The following FAT3 variants were observed in gnomAD, a reference collection of about 807,000 sequenced individuals.
FAT3 encodes the protein protocadherin Fat 3.
FAT3 carries 95 observed loss-of-function variants against 310.2 expected under a neutral mutation model. The observed-to-expected ratio is 0.31, with a 90% CI of 0.26 to 0.36. The LOEUF is 0.36. Ranked by LOEUF, FAT3 falls within the 10% of genes least tolerant of loss-of-function variation. The pLI is 1.00. For synonymous variants in FAT3, 2,314 were observed against 2,192.9 expected (o/e 1.06, Z -1.54); for missense variants, 5,408 against 5,715.6 (o/e 0.95, Z 1.74).
At chr11:92,294,138 C>A (rs1219220700) in intron 1 of FAT3, among the ~76,000 whole-genome samples, 1 of 152,024 alleles carries the variant, frequency 6.6e-6, no homozygotes, top group African/African-American at 2.4e-5. Flanking sequence ...GGGCTCTCTT[C>A]CTGGCCTGTA....
chr11:92,365,933 T>C (rs1384333602), intron 2 of FAT3, among the ~76,000 whole-genome samples: 1 of 152,216 alleles, frequency 6.6e-6, no homozygotes, highest in Non-Finnish European at 1.5e-5. Flanking sequence ...TACACTATAC[T>C]TCTATAAAAG....
chr11:92,730,161 C>T (rs1945134794), intron 4 of FAT3, among the ~76,000 whole-genome samples: 1 of 151,964 alleles, frequency 6.6e-6, no homozygotes. Flanking sequence ...CATACTGAGA[C>T]CCCCATCTCT....
At position 92,873,617 on chromosome 11, in the gene FAT3, A is replaced by G. The variant is rs377584064; in HGVS notation, c.12127+6408A>G. Among the ~76,000 whole-genome samples the G allele has an allele frequency of 2.6e-5, 4 of 152,336 alleles. No homozygotes were observed. In the East Asian group the frequency reaches 5.8e-4, roughly 22 times the overall value. Reference sequence around the variant, plus strand: ...TGCCTACACAGCCCAAATTAATGCTATAATTGCTTATACCATTTCCATTTT... The same window carrying G: ...TGCCTACACAGCCCAAATTAATGCTGTAATTGCTTATACCATTTCCATTTT... On this transcript the variant is annotated intron_variant, in intron 22 of 27. Coordinates refer to ENST00000525166, the MANE Select transcript of FAT3 (RefSeq NM_001367949.2).
intron 9 of FAT3, among the ~76,000 whole-genome samples, chr11:92,794,738 T>A (rs1019736249): frequency 3.3e-5 from 5 of 151,956 alleles, no homozygotes; most frequent in Admixed American, 3.3e-4. Flanking sequence ...ACAATTGATA[T>A]CGCAAAAAAA....
intron 2 of FAT3, among the ~76,000 whole-genome samples, chr11:92,484,128 C>A (rs1209608177): frequency 6.6e-6 from 1 of 152,160 alleles, no homozygotes; most frequent in African/African-American, 2.4e-5. Flanking sequence ...ATCCTTTGTC[C>A]AAAGGTATGT....
At chr11:92,269,028 A>C (rs1946044778) in intron 1 of FAT3, among the ~76,000 whole-genome samples, 2 of 152,182 alleles carry the variant, frequency 1.3e-5, no homozygotes, top group African/African-American at 4.8e-5. Flanking sequence ...ATGCAGAATC[A>C]GCTCCTTTTC....
At chr11:92,705,666 A>T in intron 4 of FAT3, among the ~76,000 whole-genome samples, 1 of 37,556 alleles carries the variant, frequency 2.7e-5, no homozygotes, top group Non-Finnish European at 4.8e-5. Context: ...TGGTGGTGTG[A>T]TGGTGTAGTG....
chr11:92,857,988 A>G (rs1565655304), intron 20 of FAT3, among the ~76,000 whole-genome samples: 4 of 152,182 alleles, frequency 2.6e-5, no homozygotes, highest in Admixed American at 2.6e-4. Flanking sequence ...CCACTTCTTT[A>G]CTCAGAAAAG....
chr11:92,806,517 T>C lies in FAT3; in HGVS notation c.9247+2T>C. 1 of 1,539,146 alleles carries C rather than the reference T, an allele frequency of 6.5e-7. No homozygotes were observed. Among genetic ancestry groups the C allele is most frequent in the Non-Finnish European group, 8.8e-7 (1 of 1,140,380 alleles). ...AATTTTTTCTAGATCCAGAAAGTGG[T>C]AAGCTAAAATTTATTATTGAGATAA... On this transcript the variant is annotated splice_donor_variant, in intron 12 of 27. Transcript: ENST00000525166. LOFTEE classifies it high-confidence loss of function.
intron 9 of FAT3, among the ~76,000 whole-genome samples, chr11:92,794,377 A>G (rs1184125966): frequency 6.6e-6 from 1 of 152,098 alleles, no homozygotes; most frequent in Admixed American, 6.6e-5. Context: ...ATTCATGCAT[A>G]TACATTGTTT....
intron 1 of FAT3, among the ~76,000 whole-genome samples, chr11:92,307,631 A>C (rs1390262297): frequency 6.6e-6 from 1 of 152,160 alleles, no homozygotes; most frequent in African/African-American, 2.4e-5. Flanking sequence ...CTCTCAGATA[A>C]GCTCACAGCC....
chr11:92,768,299 G>A (rs923962216), intron 6 of FAT3, among the ~76,000 whole-genome samples: 17 of 152,116 alleles, frequency 1.1e-4, no homozygotes, highest in Non-Finnish European at 4.4e-5. Flanking sequence ...AACTTACTGG[G>A]CCAGATGCCC....
chr11:92,461,207 G>A (rs993223216), intron 2 of FAT3, among the ~76,000 whole-genome samples: 1 of 152,104 alleles, frequency 6.6e-6, no homozygotes, highest in Non-Finnish European at 1.5e-5. Flanking sequence ...CCTGTTGAGG[G>A]TCCCTTTGCA....
intron 2 of FAT3, among the ~76,000 whole-genome samples, chr11:92,405,502 A>G (rs986058502): frequency 1.3e-5 from 2 of 152,208 alleles, no homozygotes; most frequent in African/African-American, 4.8e-5. Context: ...CATGCCTGTA[A>G]TCCCAGCACG....
chr11:92,762,331 C>T (rs879366808), intron 5 of FAT3, among the ~76,000 whole-genome samples, 161 bp downstream of exon 5: 5 of 152,124 alleles, frequency 3.3e-5, no homozygotes, highest in Non-Finnish European at 5.9e-5. Flanking sequence ...AGAACTCTTG[C>T]CTGTTTCATT....
At chr11:92,524,537 T>C (rs561408) in intron 2 of FAT3, 97 bp from the exon 3 acceptor site, 2 of 1,207,030 alleles carry the variant, frequency 1.7e-6, no homozygotes, top group Non-Finnish European at 2.3e-6. Flanking sequence ...GTTTTTCATA[T>C]GCCAAGATTA....
intron 4 of FAT3, among the ~76,000 whole-genome samples, chr11:92,722,205 T>A (rs1944880834): frequency 6.6e-6 from 1 of 151,822 alleles, no homozygotes; most frequent in Admixed American, 6.5e-5. Flanking sequence ...CTAGATATAA[T>A]GGCAGTATAC....
intron 1 of FAT3, 38 bp from the exon 2 acceptor site, chr11:92,352,058 G>A (rs1242020546): frequency 5.5e-5 from 67 of 1,216,596 alleles, no homozygotes; most frequent in Middle Eastern, 2.4e-4. Flanking sequence ...TTCTAGGATG[G>A]TTAATTTATC....
chr11:92,334,005 G>T (rs775894994), intron 1 of FAT3, among the ~76,000 whole-genome samples: 16 of 152,134 alleles, frequency 1.1e-4, no homozygotes, highest in Non-Finnish European at 1.8e-4. Flanking sequence ...AAGCAATGTA[G>T]TTAACCAGTA....
Sources: gnomAD v4.1 joint callset for allele counts (sites outside exome capture counted in the v4.1 genomes callset) on GRCh38, gnomAD v4.1.1 for gene constraint, MANE v1.5 for transcripts, NCBI Gene and HGNC (gene_info 2026-07-23, HGNC 2026-07-21) for gene names.